COBL: variants seen among roughly 807,000 people sequenced by gnomAD.
COBL encodes the protein protein cordon-bleu.
Under a neutral mutation model 98.8 loss-of-function variants are expected in COBL, and 51 were observed. The observed-to-expected ratio is 0.52, with a 90% confidence interval of 0.41 to 0.65. COBL has a LOEUF of 0.65. COBL is among the 30% of genes least tolerant of loss of function. The pLI is 0.00. For missense variants in COBL, 1,617 were observed against 1,617.5 expected (o/e 1.00, Z 0.01); for synonymous variants, 634 against 651.7 (o/e 0.97, Z 0.41).
chr7:51,268,786 C>T (rs1358697880), intron 1 of COBL, among the ~76,000 whole-genome samples: 11 of 151,972 alleles, frequency 7.2e-5, no homozygotes, highest in Non-Finnish European at 1.2e-4. Context: ...AAAAATTAGC[C>T]AGGCATGGTG....
intron 8 of COBL, among the ~76,000 whole-genome samples, chr7:51,043,038 TA>T (rs1789354670): frequency 6.6e-6 from 1 of 152,216 alleles, no homozygotes; most frequent in Non-Finnish European, 1.5e-5. Flanking sequence ...CCTGAAAAAC[TA>T]GAACAATCTA....
chr7:51,065,200 T>TTG (rs749237091), intron 7 of COBL: 8 of 702,716 alleles, frequency 1.1e-5, no homozygotes, highest in East Asian at 2.7e-5. Flanking sequence ...ACAAGATGGG[T>TTG]TGTGTGTGTG....
At chr7:51,066,115 A>G (rs1360718922) in intron 7 of COBL, among the ~76,000 whole-genome samples, 1 of 152,214 alleles carries the variant, frequency 6.6e-6, no homozygotes, top group Non-Finnish European at 1.5e-5. Flanking sequence ...TGATGAAAAT[A>G]TTAAAGTAAT....
intron 2 of COBL, among the ~76,000 whole-genome samples, chr7:51,197,396 T>C (rs1031526708): frequency 1.3e-5 from 2 of 152,184 alleles, no homozygotes; most frequent in Non-Finnish European, 2.9e-5. Flanking sequence ...TGGTTGTTAT[T>C]ATTTAAGTTT....
rs1786382325 is a variant in COBL, at chr7:51,017,437, C to T, written c.*114G>A. ...CGAAAATCAACTGTGCGCATTTGGC[C>T]TGTAGACAAGAAAGTAACACCAAAA... On this transcript the variant is annotated 3_prime_UTR_variant, in exon 13 of 13. Coordinates refer to ENST00000265136, the MANE Select transcript of COBL (RefSeq NM_015198.5). 9.1e-7 allele frequency: 1 copy of T among 1,095,902 alleles called. No homozygotes were observed. Among genetic ancestry groups the T allele is most frequent in the African/African-American group, 1.5e-5 (1 of 64,892 alleles). 67.9% of individuals were successfully genotyped at this position (1,095,902 alleles called of 1,614,324 possible).
intron 2 of COBL, among the ~76,000 whole-genome samples, chr7:51,211,753 G>A (rs981896778): frequency 6.6e-6 from 1 of 152,158 alleles, no homozygotes; most frequent in African/African-American, 2.4e-5. Flanking sequence ...GTCAAACAAA[G>A]AGTCAGGTAT....
intron 1 of COBL, among the ~76,000 whole-genome samples, chr7:51,220,925 G>T (rs556054944): frequency 1.3e-4 from 20 of 152,220 alleles, no homozygotes; most frequent in African/African-American, 4.3e-4. Flanking sequence ...ACATATATAT[G>T]TGTGTATATA....
At chr7:51,074,191 A>T (rs1304366912) in intron 7 of COBL, among the ~76,000 whole-genome samples, 6 of 100,502 alleles carry the variant, frequency 6.0e-5, no homozygotes, top group Admixed American at 3.8e-4. Context: ...CAAGGTAATG[A>T]TTTTTTTTTT....
At chr7:51,189,906 CAT>C (rs902621458) in intron 4 of COBL, among the ~76,000 whole-genome samples, 2 of 152,164 alleles carry the variant, frequency 1.3e-5, no homozygotes, top group African/African-American at 4.8e-5. Context: ...CAATCAGAAA[CAT>C]GTGCTTACAC....
chr7:51,203,222 G>GCTGCATTAAAAAAA (rs1554427698), intron 2 of COBL, among the ~76,000 whole-genome samples: 14 of 145,586 alleles, frequency 9.6e-5, no homozygotes, highest in South Asian at 2.3e-4. Flanking sequence ...AAAACTCTTG[G>GCTGCATTAAAAAAA]GAGGCCGAGG....
intron 7 of COBL, among the ~76,000 whole-genome samples, chr7:51,054,781 C>T (rs560324925): frequency 2.4e-3 from 361 of 152,322 alleles, no homozygotes; most frequent in African/African-American, 7.7e-3. Flanking sequence ...ATGATGTCCA[C>T]GACAGAAAAC....
chr7:51,083,134 G>C (rs1372995135), intron 7 of COBL: 1 of 1,529,362 alleles, frequency 6.5e-7, no homozygotes, highest in Admixed American at 2.0e-5. Flanking sequence ...CGTCTGTGTC[G>C]GGAGGAGGGT....
At chr7:51,293,989 A>C (rs954270769) in intron 1 of COBL, among the ~76,000 whole-genome samples, 3 of 152,124 alleles carry the variant, frequency 2.0e-5, no homozygotes, top group Non-Finnish European at 4.4e-5. Context: ...TAAGTTTTTC[A>C]ACAGTCAAGA....
At chr7:51,249,843 T>C (rs147861284) in intron 1 of COBL, among the ~76,000 whole-genome samples, 1 of 152,274 alleles carries the variant, frequency 6.6e-6, no homozygotes, top group East Asian at 1.9e-4. Context: ...TTCAAACACC[T>C]GTAATCCCAG....
chr7:51,282,195 G>A (rs1799871639), intron 1 of COBL, among the ~76,000 whole-genome samples: 1 of 152,052 alleles, frequency 6.6e-6, no homozygotes, highest in Non-Finnish European at 1.5e-5. Flanking sequence ...TATCAGTAGA[G>A]ATGATAGGCC....
intron 2 of COBL, among the ~76,000 whole-genome samples, chr7:51,218,646 T>G (rs1450171264): frequency 6.6e-6 from 1 of 152,134 alleles, no homozygotes; most frequent in Admixed American, 6.5e-5. Context: ...GCTAATTATT[T>G]TGCATTTTTA....
At chr7:51,126,420 C>T (rs976927409) in intron 6 of COBL, among the ~76,000 whole-genome samples, 8 of 152,244 alleles carry the variant, frequency 5.3e-5, no homozygotes, top group Admixed American at 4.6e-4. Flanking sequence ...TCCTGATCTT[C>T]ATGCTTCTGT....
At chr7:51,269,928 G>A (rs1029156041) in intron 1 of COBL, among the ~76,000 whole-genome samples, 1 of 152,164 alleles carries the variant, frequency 6.6e-6, no homozygotes, top group Admixed American at 6.5e-5. Context: ...CTGACACAGG[G>A]AATAACACCC....
intron 5 of COBL, among the ~76,000 whole-genome samples, chr7:51,155,798 C>G (rs933924782): frequency 2.6e-5 from 4 of 151,852 alleles, no homozygotes; most frequent in Admixed American, 2.6e-4. Context: ...CTATTTAAGC[C>G]CTCCTGTGTG....
Sources: gnomAD v4.1 joint callset for allele counts (sites outside exome capture counted in the v4.1 genomes callset) on GRCh38, gnomAD v4.1.1 for gene constraint, MANE v1.5 for transcripts, NCBI Gene and HGNC (gene_info 2026-07-23, HGNC 2026-07-21) for gene names.